PRH1: variants seen among roughly 807,000 people sequenced by gnomAD.
PRH1 encodes the protein proline rich protein HaeIII subfamily 1.
A neutral mutation model predicts 7.9 loss-of-function variants in PRH1; 7 were observed. The ratio of observed to expected loss-of-function variants is 0.89; its 90% CI spans 0.50 to 1.67. The LOEUF (loss-of-function observed/expected upper bound fraction) is 1.67, where lower values mean the gene tolerates loss of function less well. PRH1 is among the 40% of genes most tolerant of loss of function. The probability of loss-of-function intolerance (pLI) is 0.00; values close to 1 mark genes in which losing one functional copy is unlikely to be tolerated. For synonymous variants in PRH1, 45 were observed against 80.8 expected (o/e 0.56, Z 2.38); for missense variants, 109 against 223.6 (o/e 0.49, Z 3.27).
At chr12:11,077,445 A>C in intron 1 of PRH1, 1 of 735,156 alleles carries the variant, frequency 1.4e-6, no homozygotes, top group South Asian at 2.0e-5. Context: ...TGATTCCAAG[A>C]GTTTGGCAAA....
intron 2 of PRH1, among the ~76,000 whole-genome samples, chr12:10,954,277 T>C (rs1181249631): frequency 1.3e-5 from 2 of 152,168 alleles, no homozygotes; most frequent in African/African-American, 4.8e-5. Context: ...ACCTCGAATG[T>C]AAACAGGTTA....
chr12:11,031,491 G>A, intron 1 of PRH1: 1 of 774,402 alleles, frequency 1.3e-6, no homozygotes, highest in Non-Finnish European at 1.9e-6. Flanking sequence ...CCCAAAGAGT[G>A]AGCAACAGCA....
At chr12:10,929,451 A>C in intron 2 of PRH1, 1 of 1,299,990 alleles carries the variant, frequency 7.7e-7, no homozygotes. Context: ...AGGACTGAAG[A>C]GTTCTCATGC....
intron 1 of PRH1, among the ~76,000 whole-genome samples, chr12:11,073,869 C>G (rs1229844724): frequency 1.3e-5 from 2 of 152,118 alleles, no homozygotes; most frequent in African/African-American, 4.8e-5. Flanking sequence ...CAGAACTATT[C>G]CCTCTTCAGC....
chr12:11,016,244 A>G (rs1941287526), intron 1 of PRH1, among the ~76,000 whole-genome samples: 1 of 151,766 alleles, frequency 6.6e-6, no homozygotes, highest in South Asian at 2.1e-4. Context: ...CTTACCTTAT[A>G]AAAGTGTCTG....
intron 1 of PRH1, among the ~76,000 whole-genome samples, chr12:11,023,579 G>A (rs79999341): frequency 1.7e-5 from 2 of 120,562 alleles, no homozygotes; most frequent in East Asian, 2.5e-4. Context: ...ATTCACTCAC[G>A]TAATTTGCTT....
intron 2 of PRH1, among the ~76,000 whole-genome samples, chr12:10,897,112 G>T (rs1949658343): frequency 6.6e-6 from 1 of 151,908 alleles, no homozygotes; most frequent in Admixed American, 6.6e-5. Context: ...TTTACCCCAG[G>T]TACTAAACCT....
intron 2 of PRH1, among the ~76,000 whole-genome samples, chr12:10,969,400 T>C (rs1938681092): frequency 6.6e-6 from 1 of 152,152 alleles, no homozygotes; most frequent in Non-Finnish European, 1.5e-5. Context: ...AGTACTCCCT[T>C]TGGGCCACAG....
At chr12:11,137,002 C>T (rs1946577405) in intron 1 of PRH1, among the ~76,000 whole-genome samples, 1 of 151,502 alleles carries the variant, frequency 6.6e-6, no homozygotes, top group Admixed American at 6.6e-5. Flanking sequence ...AGATTAAAAT[C>T]ATGGTCTAGG....
rs373941202 is a variant in PRH1, at chr12:11,095,943, T to C, written n.124-48755A>G. ...TGAACTCTAGCTTTATTTTTGTCTGTTGAAAATCAGCTTGTCGTTTAGACA... is the reference window on the plus strand; with the variant it reads ...TGAACTCTAGCTTTATTTTTGTCTGCTGAAAATCAGCTTGTCGTTTAGACA... On this transcript the variant is annotated intron_variant and non_coding_transcript_variant, in intron 1 of 4. Coordinates refer to the PRH1 transcript ENST00000541977. 6.1e-5 allele frequency among the ~76,000 whole-genome samples: 7 copies of C among 114,940 alleles called. 1 individual carries two copies. The East Asian group carries it at 1.5e-3, about 24-fold the overall frequency. 75.4% of individuals were successfully genotyped at this position (114,940 alleles called of 152,430 possible).
chr12:10,980,706 C>T (rs1005892380), intron 1 of PRH1, among the ~76,000 whole-genome samples: 15 of 152,060 alleles, frequency 9.9e-5, no homozygotes, highest in African/African-American at 3.6e-4. Context: ...GAACTGAGAC[C>T]TTGGGCAGTG....
intron 1 of PRH1, among the ~76,000 whole-genome samples, chr12:10,989,121 T>C (rs1334266849): frequency 6.6e-6 from 1 of 152,162 alleles, no homozygotes; most frequent in Non-Finnish European, 1.5e-5. Context: ...ATTTTCTTTA[T>C]ACATTAACAA....
chr12:11,148,791 C>G (rs1946958544), intron 1 of PRH1, among the ~76,000 whole-genome samples: 1 of 120,544 alleles, frequency 8.3e-6, no homozygotes, highest in Admixed American at 8.4e-5. Flanking sequence ...CAGGATGATG[C>G]TGGCCTCATA....
intron 1 of PRH1, among the ~76,000 whole-genome samples, chr12:11,042,998 C>T (rs902377910): frequency 6.6e-6 from 1 of 152,088 alleles, no homozygotes; most frequent in African/African-American, 2.4e-5. Context: ...AAAAGGAAAA[C>T]TACAAGTAAA....
chr12:11,158,597 T>C (rs908931288), intron 1 of PRH1, among the ~76,000 whole-genome samples: 3 of 152,190 alleles, frequency 2.0e-5, no homozygotes, highest in African/African-American at 7.2e-5. Context: ...TTTCCTTGAA[T>C]CAGACATTAT....
intron 1 of PRH1, among the ~76,000 whole-genome samples, chr12:11,069,762 T>C (rs1299417754): frequency 7.2e-5 from 11 of 152,310 alleles, no homozygotes; most frequent in Admixed American, 5.9e-4. Context: ...AGCTCATTCC[T>C]GAGGTCGGCC....
At chr12:10,886,178 T>C (rs1949489581), upstream of PRH1, among the ~76,000 whole-genome samples, 1 of 152,184 alleles carries the variant, frequency 6.6e-6, no homozygotes, top group African/African-American at 2.4e-5. Flanking sequence ...TTATTGTCTC[T>C]GGTTTCACCA....
chr12:10,885,873 G>C (rs1382630005), upstream of PRH1, among the ~76,000 whole-genome samples: 2 of 152,218 alleles, frequency 1.3e-5, no homozygotes, highest in Admixed American at 1.3e-4. Context: ...TGGATCCTGT[G>C]CTGGGCATAT....
chr12:11,037,961 G>C (rs1428131845), intron 1 of PRH1, among the ~76,000 whole-genome samples: 1 of 152,240 alleles, frequency 6.6e-6, no homozygotes, highest in African/African-American at 2.4e-5. Flanking sequence ...AGAATCACTT[G>C]AGCCCAGGTG....
Sources: allele counts gnomAD v4.1 joint callset (sites outside exome capture counted in the v4.1 genomes callset), GRCh38; gene constraint gnomAD v4.1.1; transcripts MANE v1.5; gene names NCBI Gene and HGNC (gene_info 2026-07-23, HGNC 2026-07-21).